HS6ST3: variants seen among roughly 807,000 people sequenced by gnomAD.
The protein encoded by HS6ST3 is heparan-sulfate 6-O-sulfotransferase 3.
HS6ST3 carries 12 observed loss-of-function variants against 36.7 expected under a neutral mutation model. The ratio of observed to expected loss-of-function variants is 0.33; its 90% CI spans 0.21 to 0.53. HS6ST3 has a LOEUF of 0.53. Among genes scored for constraint, HS6ST3 ranks in the 20% least tolerant of loss-of-function variants. HS6ST3 has a pLI of 0.95. For missense variants in HS6ST3, 584 were observed against 640.9 expected (o/e 0.91, Z 0.96); for synonymous variants, 240 against 257.5 (o/e 0.93, Z 0.65).
chr13:96,624,161 GTATA>G (rs1177405069), intron 1 of HS6ST3, among the ~76,000 whole-genome samples: 1 of 151,928 alleles, frequency 6.6e-6, no homozygotes, highest in Non-Finnish European at 1.5e-5. Context: ...ACAGGTGTGT[GTATA>G]TATATATTTC....
At chr13:96,711,911 C>T (rs971631049) in intron 1 of HS6ST3, among the ~76,000 whole-genome samples, 11 of 152,112 alleles carry the variant, frequency 7.2e-5, no homozygotes, top group Admixed American at 3.9e-4. Context: ...CTGGTATGTT[C>T]TGCATAAAGA....
intron 1 of HS6ST3, among the ~76,000 whole-genome samples, chr13:96,195,260 T>G (rs1370965480): frequency 6.6e-6 from 1 of 152,252 alleles, no homozygotes; most frequent in Non-Finnish European, 1.5e-5. Context: ...CATGTTTTTT[T>G]GCAGACTTCC....
chr13:96,269,875 G>A (rs2054711301), intron 1 of HS6ST3, among the ~76,000 whole-genome samples: 1 of 151,850 alleles, frequency 6.6e-6, no homozygotes, highest in Non-Finnish European at 1.5e-5. Flanking sequence ...TTTTCGTTGA[G>A]CCCAGCTTCT....
At chr13:96,446,793 T>C (rs732123) in intron 1 of HS6ST3, among the ~76,000 whole-genome samples, 14,891 of 152,212 alleles carry the variant, frequency 0.098, 1,090 homozygotes, top group Admixed American at 0.23. Context: ...ACGCCCTCAT[T>C]CTATAGCTAT....
chr13:96,390,152 T>G (rs1484966585), intron 1 of HS6ST3, among the ~76,000 whole-genome samples: 1 of 152,204 alleles, frequency 6.6e-6, no homozygotes, highest in African/African-American at 2.4e-5. Flanking sequence ...AAATTATCTG[T>G]AATTTCTATA....
chr13:96,808,436 T>C (rs1023412058), intron 1 of HS6ST3, among the ~76,000 whole-genome samples: 1 of 152,214 alleles, frequency 6.6e-6, no homozygotes, highest in Non-Finnish European at 1.5e-5. Flanking sequence ...AACGTTCGAA[T>C]TGACTGTTTC....
chr13:96,179,870 A>G (rs1002304044), intron 1 of HS6ST3, among the ~76,000 whole-genome samples: 9 of 152,054 alleles, frequency 5.9e-5, no homozygotes, highest in African/African-American at 1.2e-4. Context: ...CACTCTGTCA[A>G]CCAGGCTAGA....
chr13:96,314,637 A>G (rs999475087), intron 1 of HS6ST3, among the ~76,000 whole-genome samples: 7 of 152,210 alleles, frequency 4.6e-5, no homozygotes, highest in African/African-American at 1.7e-4. Context: ...GCACTCATCA[A>G]CATGGATGAA....
chr13:96,486,551 C>T (rs544949834), intron 1 of HS6ST3, among the ~76,000 whole-genome samples: 18 of 152,224 alleles, frequency 1.2e-4, no homozygotes, highest in South Asian at 6.2e-4. Context: ...TTTTAATGTT[C>T]GCCATTCTAA....
chr13:96,724,694 G>A lies in HS6ST3; in HGVS notation c.708-107796G>A, dbSNP rs1875955554. On this transcript the variant is annotated intron_variant, in intron 1 of 1. Transcript: ENST00000376705. ...ATAGTTTGAGATTCATCTATATTTT[G>A]TGTACATCAATAGTTCATTTTTATT... Among the ~76,000 whole-genome samples, 3 of 152,022 alleles carry A rather than the reference G, an allele frequency of 2.0e-5. No individual in the cohort carries two copies. In the South Asian group the frequency reaches 6.2e-4, roughly 31 times the overall value.
At chr13:96,562,616 A>C (rs1357218477) in intron 1 of HS6ST3, among the ~76,000 whole-genome samples, 1 of 152,180 alleles carries the variant, frequency 6.6e-6, no homozygotes, top group Admixed American at 6.6e-5. Flanking sequence ...TTGACCATTC[A>C]GATTTTTAAA....
chr13:96,691,032 G>T (rs1184032106), intron 1 of HS6ST3, among the ~76,000 whole-genome samples: 1 of 152,064 alleles, frequency 6.6e-6, no homozygotes, highest in East Asian at 1.9e-4. Flanking sequence ...CTATTACTAT[G>T]TCTGCACAAT....
chr13:96,123,404 T>A (rs1323139753), intron 1 of HS6ST3, among the ~76,000 whole-genome samples: 4 of 152,054 alleles, frequency 2.6e-5, no homozygotes, highest in Non-Finnish European at 4.4e-5. Context: ...TTAAATAGAG[T>A]TTTAAATTCA....
chr13:96,260,647 C>CT (rs566249281), intron 1 of HS6ST3, among the ~76,000 whole-genome samples: 3,791 of 139,390 alleles, frequency 0.027, 63 homozygotes, highest in East Asian at 0.056. Flanking sequence ...TTTTTCTTTT[C>CT]TTTTTTTTTT....
chr13:96,815,299 A>C (rs1290795601), intron 1 of HS6ST3, among the ~76,000 whole-genome samples: 1 of 152,160 alleles, frequency 6.6e-6, no homozygotes, highest in African/African-American at 2.4e-5. Flanking sequence ...CTCTATGTCC[A>C]CATTTCCCCT....
Position 96,183,270 on chromosome 13 carries a change from A to G in HS6ST3, c.707+91701A>G, listed in dbSNP as rs1443292855. On this transcript the variant is annotated intron_variant, in intron 1 of 1. Coordinates refer to ENST00000376705, the MANE Select transcript of HS6ST3 (RefSeq NM_153456.4). ...ACTGTTATCTAAGAGGTATACCTTC[A>G]TGTTTGGTAAGAGAGGCTGAACTGA... Among the ~76,000 whole-genome samples the G allele has an allele frequency of 2.0e-5, 3 of 152,192 alleles. No homozygotes were observed. In the East Asian group the frequency reaches 5.8e-4, roughly 29 times the overall value.
intron 1 of HS6ST3, among the ~76,000 whole-genome samples, chr13:96,279,262 A>G (rs1426320963): frequency 3.9e-5 from 6 of 152,172 alleles, no homozygotes. Flanking sequence ...TTTAATCATT[A>G]TGCTAATGCT....
At chr13:96,174,434 A>G (rs746918801) in intron 1 of HS6ST3, among the ~76,000 whole-genome samples, 10 of 152,096 alleles carry the variant, frequency 6.6e-5, no homozygotes, top group African/African-American at 2.2e-4. Context: ...GGGTCTTACT[A>G]TGTCACCCAG....
Position 96,090,641 on chromosome 13 carries a change from A to T in HS6ST3, c.-222A>T, listed in dbSNP as rs899992798. On this transcript the variant is annotated 5_prime_UTR_variant, in exon 1 of 2. Transcript: ENST00000376705. ...GCGCCCCACGCCGCAGCCGCAGCCG[A>T]GCGCGCCGGCGCCCGCCTCCCCCGC... is the stretch of plus-strand genomic sequence containing the variant. Among the ~76,000 whole-genome samples, 3 of 145,148 alleles carry T rather than the reference A, an allele frequency of 2.1e-5. No individual in the cohort carries two copies. Among genetic ancestry groups the T allele is most frequent in the African/African-American group, 7.5e-5 (3 of 40,232 alleles).
Sources: allele counts gnomAD v4.1 joint callset (sites outside exome capture counted in the v4.1 genomes callset), GRCh38; gene constraint gnomAD v4.1.1; transcripts MANE v1.5; gene names NCBI Gene and HGNC (gene_info 2026-07-23, HGNC 2026-07-21).